HUNK: variants seen among roughly 807,000 people sequenced by gnomAD.
HUNK encodes hormonally up-regulated neu tumor-associated kinase.
Under a neutral mutation model 61.0 loss-of-function variants are expected in HUNK, and 21 were observed. The observed-to-expected ratio is 0.34, with a 90% CI of 0.24 to 0.50. HUNK has a LOEUF of 0.50. HUNK is among the 20% of genes least tolerant of loss of function. The pLI is 0.98. For synonymous variants in HUNK, 371 were observed against 386.1 expected (o/e 0.96, Z 0.46); for missense variants, 772 against 945.7 (o/e 0.82, Z 2.41).
chr21:31,946,443 G>T (rs954367776), intron 4 of HUNK, among the ~76,000 whole-genome samples: 2 of 152,042 alleles, frequency 1.3e-5, no homozygotes, highest in African/African-American at 4.8e-5. Context: ...CTGGCTCTGC[G>T]ACTCATTTAT....
At chr21:31,981,757 G>A (rs1464801916) in intron 7 of HUNK, among the ~76,000 whole-genome samples, 1 of 152,052 alleles carries the variant, frequency 6.6e-6, no homozygotes, top group Non-Finnish European at 1.5e-5. Flanking sequence ...CAGTTTTTTG[G>A]TAGTCTTTAG....
chr21:31,909,111 T>G (rs568988311), intron 1 of HUNK, among the ~76,000 whole-genome samples: 23 of 152,320 alleles, frequency 1.5e-4, no homozygotes, highest in Middle Eastern at 3.4e-3. Context: ...AGGGTTAATT[T>G]TATCCTTGTG....
At chr21:31,931,258 G>T (rs11908956) in intron 2 of HUNK, among the ~76,000 whole-genome samples, 3,692 of 151,902 alleles carry the variant, frequency 0.024, 144 homozygotes, top group African/African-American at 0.086. Context: ...CCTTCCCTGG[G>T]CCCCTTCTCT....
intron 7 of HUNK, among the ~76,000 whole-genome samples, chr21:31,977,855 A>C (rs1263052365): frequency 6.6e-6 from 1 of 152,146 alleles, no homozygotes; most frequent in Non-Finnish European, 1.5e-5. Context: ...TGAGCCTGGG[A>C]AGTCGAGGCT....
At chr21:31,946,248 G>A in intron 4 of HUNK, 77 bp downstream of exon 4, 1 of 1,427,836 alleles carries the variant, frequency 7.0e-7, no homozygotes, top group Admixed American at 2.0e-5. Flanking sequence ...TCATGCCTGA[G>A]TATTGGATGG....
intron 3 of HUNK, among the ~76,000 whole-genome samples, chr21:31,945,794 C>CT (rs570486935): frequency 3.3e-5 from 5 of 151,854 alleles, no homozygotes; most frequent in Non-Finnish European, 7.4e-5. Flanking sequence ...CTCTAACTGG[C>CT]TTTAACAGTG....
rs184720092 is a variant in HUNK at position 31,948,345 on chromosome 21, C to T, written c.746+2174C>T. Among the ~76,000 whole-genome samples, 8 of 152,326 alleles carry T rather than the reference C, an allele frequency of 5.3e-5. No individual in the cohort carries two copies. The East Asian group carries it at 1.2e-3, about 22-fold the overall frequency. On this transcript the variant is annotated intron_variant, in intron 4 of 10. Coordinates refer to ENST00000270112, the MANE Select transcript of HUNK (RefSeq NM_014586.2). ...CCAGCCCTTACATGCACAGTTCCTTCGGCCTGGAACCCTCTCTTTTTCCCT... is the reference window on the plus strand; with the variant it reads ...CCAGCCCTTACATGCACAGTTCCTTTGGCCTGGAACCCTCTCTTTTTCCCT...
intron 9 of HUNK, among the ~76,000 whole-genome samples, chr21:31,992,024 A>G (rs2053175078): frequency 6.6e-6 from 1 of 152,246 alleles, no homozygotes; most frequent in African/African-American, 2.4e-5. Context: ...TGAATTGCCC[A>G]AGGTTACCCA....
At chr21:31,879,167 G>A (rs978396772) in intron 1 of HUNK, among the ~76,000 whole-genome samples, 12 of 152,172 alleles carry the variant, frequency 7.9e-5, no homozygotes, top group African/African-American at 2.9e-4. Context: ...TCTGTTTTTA[G>A]CAAGTATTTC....
In HUNK at chr21:31,981,082, A is replaced by G. The variant is rs547651909; in HGVS notation, c.1174-2444A>G. Among the ~76,000 whole-genome samples the G allele has an allele frequency of 1.0e-3, 155 of 152,342 alleles. 1 individual carries two copies. Among genetic ancestry groups the G allele is most frequent in the Non-Finnish European group, 1.8e-4 (12 of 68,024 alleles). On this transcript the variant is annotated intron_variant, in intron 7 of 10. Coordinates refer to ENST00000270112, the MANE Select transcript of HUNK (RefSeq NM_014586.2). The stretch of plus-strand genomic sequence containing the variant: ...CTGATTTCATTCTCTGTGGATGTCC[A>G]GTTTTCCAACACCATTTATTTAAGA...
Position 31,990,199 on chromosome 21 carries a change from T to C in HUNK, c.1305+23T>C, listed in dbSNP as rs753565012. Reference sequence around the variant, plus strand: ...CAGGTAAGAACTTGGGGGATTATTATGTTAGTCAGGGTTCTCCAGAGAAAC... The same window carrying C: ...CAGGTAAGAACTTGGGGGATTATTACGTTAGTCAGGGTTCTCCAGAGAAAC... On this transcript the variant is annotated intron_variant, in intron 9 of 10. Transcript: ENST00000270112. 2.9e-5 allele frequency: 47 copies of C among 1,605,236 alleles called. No homozygotes were observed. In the South Asian group the frequency reaches 5.0e-4, roughly 17 times the overall value.
chr21:31,881,283 C>A (rs1034504882), intron 1 of HUNK, among the ~76,000 whole-genome samples: 3 of 152,150 alleles, frequency 2.0e-5, no homozygotes, highest in Non-Finnish European at 4.4e-5. Flanking sequence ...TATGAGTGGT[C>A]ATCATTTCCA....
chr21:31,968,842 TTG>T (rs56695834), intron 6 of HUNK, among the ~76,000 whole-genome samples: 51,893 of 139,898 alleles, frequency 0.37, 9,703 homozygotes, highest in East Asian at 0.53. Flanking sequence ...GTGTGTAAAT[TTG>T]TGTGTGTGTG....
At position 31,946,090 on chromosome 21, in the gene HUNK, C is replaced by T; in HGVS notation, c.665C>T (p.Thr222Ile). 6.2e-7 allele frequency: 1 copy of T among 1,613,598 alleles called. No homozygotes were observed. The highest frequency in any genetic ancestry group is 8.5e-7 in the Non-Finnish European group (1 of 1,179,520). The change falls in exon 4 of 11, where the codon ACA becomes ATA. Residue 222 changes from threonine (T) to isoleucine (I), a missense_variant. By Grantham distance (89) the Thr-to-Ile change is moderately conservative. This residue lies in a region of HUNK where 359 missense variants were observed against 501.3 expected (regional missense o/e 0.72). Transcript: ENST00000270112. The stretch of plus-strand genomic sequence containing the variant: ...CTGGGTTACTCGGATCCGTTCAGCA[C>T]ACAGTGTGGCAGCCCTGCCTACGCT... ...GILGYSDPFS[T>I]QCGSPAYAAP...
intron 2 of HUNK, among the ~76,000 whole-genome samples, chr21:31,932,160 A>G (rs1012066798): frequency 6.6e-6 from 1 of 152,016 alleles, no homozygotes; most frequent in African/African-American, 2.4e-5. Context: ...ACACAAACTC[A>G]TGTGTACTTA....
intron 1 of HUNK, among the ~76,000 whole-genome samples, chr21:31,888,705 A>C (rs376236390): frequency 6.6e-6 from 1 of 152,134 alleles, no homozygotes; most frequent in East Asian, 1.9e-4. Context: ...GTGCCATTGT[A>C]CTCCAGCCTG....
At chr21:31,986,266 C>T (rs772344616) in intron 8 of HUNK, among the ~76,000 whole-genome samples, 15 of 152,006 alleles carry the variant, frequency 9.9e-5, no homozygotes, top group Non-Finnish European at 1.8e-4. Flanking sequence ...AGGAAGAAAC[C>T]CAAGAGTCCT....
intron 3 of HUNK, among the ~76,000 whole-genome samples, chr21:31,940,534 A>G (rs2052762299): frequency 1.3e-5 from 2 of 152,374 alleles, no homozygotes; most frequent in South Asian, 2.1e-4. Flanking sequence ...TAGCTTCGCC[A>G]TATCTCATTC....
At chr21:31,903,919 G>C (rs2052487207) in intron 1 of HUNK, among the ~76,000 whole-genome samples, 1 of 152,186 alleles carries the variant, frequency 6.6e-6, no homozygotes, top group Admixed American at 6.5e-5. Context: ...TTTGTTTTCT[G>C]ATAGCTGATT....
Sources: allele counts gnomAD v4.1 joint callset (sites outside exome capture counted in the v4.1 genomes callset), GRCh38; gene constraint gnomAD v4.1.1; regional missense constraint gnomAD v4.1.1; transcripts MANE v1.5; gene names NCBI Gene and HGNC (gene_info 2026-07-23, HGNC 2026-07-21).